RUNX2: variants seen among roughly 807,000 people sequenced by gnomAD.
RUNX2 encodes runt-related transcription factor 2.
RUNX2 carries 10 observed loss-of-function variants against 51.7 expected under a neutral mutation model. The ratio of observed to expected loss-of-function variants is 0.19; its 90% confidence interval spans 0.12 to 0.33. RUNX2 has a LOEUF of 0.33. RUNX2 is among the 10% of genes least tolerant of loss of function. The probability of loss-of-function intolerance (pLI) is 1.00; values close to 1 mark genes in which losing one functional copy is unlikely to be tolerated. For synonymous variants in RUNX2, 276 were observed against 273.6 expected, an observed-to-expected ratio of 1.01 and a Z score of -0.09; for missense variants, 562 against 691.3, an observed-to-expected ratio of 0.81 and a Z score of 2.10.
At chr6:45,416,434 T>C (rs867659716) in intron 2 of RUNX2, among the ~76,000 whole-genome samples, 12 of 152,316 alleles carry the variant, frequency 7.9e-5, no homozygotes, top group Middle Eastern at 3.4e-3. Context: ...TAGAATAGGA[T>C]AGCACCTTCC....
chr6:45,542,582 A>G (rs1168604525), intron 7 of RUNX2, among the ~76,000 whole-genome samples: 5 of 152,238 alleles, frequency 3.3e-5, no homozygotes, highest in Non-Finnish European at 5.9e-5. Context: ...ATTGCCCATT[A>G]TTTAGCAGAT....
At chr6:45,371,097 A>C (rs1187000600) in intron 2 of RUNX2, among the ~76,000 whole-genome samples, 1 of 152,304 alleles carries the variant, frequency 6.6e-6, no homozygotes, top group Non-Finnish European at 1.5e-5. Flanking sequence ...AGATATGTGG[A>C]AGATTTTGGC....
At chr6:45,405,309 C>T (rs1386313661) in intron 2 of RUNX2, among the ~76,000 whole-genome samples, 1 of 152,176 alleles carries the variant, frequency 6.6e-6, no homozygotes, top group East Asian at 1.9e-4. Flanking sequence ...ACCATCACTA[C>T]CATAAGGGCA....
rs74830872 is a variant in RUNX2, at chr6:45,367,064, A to G, written c.58+38280A>G. Among the ~76,000 whole-genome samples, 500 of 152,322 alleles carry G rather than the reference A, an allele frequency of 3.3e-3. 5 individuals carry two copies. The highest frequency in any genetic ancestry group is 0.012 in the African/African-American group (479 of 41,584). On this transcript the variant is annotated intron_variant, in intron 2 of 8. Transcript: ENST00000647337. ...GGCCCCACGAAAGAAGGTTGGGGAAAAAAAGCTACTACAAATCACTGATGG... is the reference window on the plus strand; with the variant it reads ...GGCCCCACGAAAGAAGGTTGGGGAAGAAAAGCTACTACAAATCACTGATGG...
chr6:45,549,672 CAT>C lies in RUNX2; in HGVS notation c.*2369_*2370del. ...ACACATTTCAATTTTAATTAATTGACATAAAAATGCTACCGCCAGTGCCAGCT... is the reference window on the plus strand; with the variant it reads ...ACACATTTCAATTTTAATTAATTGACAAAAATGCTACCGCCAGTGCCAGCT... On this transcript the variant is annotated 3_prime_UTR_variant, in exon 9 of 9. Coordinates refer to ENST00000647337, the MANE Select transcript of RUNX2 (RefSeq NM_001024630.4). 1 of 295,382 alleles carries C rather than the reference CAT, an allele frequency of 3.4e-6. No individual in the cohort carries two copies. Among genetic ancestry groups the C allele is most frequent in the East Asian group, 5.6e-5 (1 of 17,862 alleles). 18.3% of individuals were successfully genotyped at this position (295,382 alleles called of 1,614,324 possible). A position where few individuals can be genotyped will look rare whatever the true frequency, so the allele number is the denominator to read the frequency against.
chr6:45,368,460 G>T (rs941318047), intron 2 of RUNX2, among the ~76,000 whole-genome samples: 12 of 152,130 alleles, frequency 7.9e-5, no homozygotes, highest in African/African-American at 2.9e-4. Context: ...TAATTGTAGT[G>T]AAGTTAATCA....
At chr6:45,398,680 T>C (rs974203020) in intron 2 of RUNX2, among the ~76,000 whole-genome samples, 4 of 152,182 alleles carry the variant, frequency 2.6e-5, no homozygotes, top group African/African-American at 9.7e-5. Context: ...TCAAAAGAGC[T>C]CCTTTAACCT....
At chr6:45,518,380 T>C (rs6916727) in intron 7 of RUNX2, among the ~76,000 whole-genome samples, 1,880 of 150,616 alleles carry the variant, frequency 0.012, 56 homozygotes, top group African/African-American at 0.043. Flanking sequence ...AAATTCATCT[T>C]GCTTTCCCTA....
intron 7 of RUNX2, among the ~76,000 whole-genome samples, chr6:45,536,987 C>T (rs1419854937): frequency 1.3e-5 from 2 of 152,134 alleles, no homozygotes; most frequent in African/African-American, 2.4e-5. Flanking sequence ...CCAATCTTTT[C>T]GGTTTCCTTC....
intron 2 of RUNX2, among the ~76,000 whole-genome samples, chr6:45,390,376 AC>A (rs1797445939): frequency 6.6e-6 from 1 of 152,190 alleles, no homozygotes; most frequent in Non-Finnish European, 1.5e-5. Context: ...CCTTGGCAGT[AC>A]CCCAACCTGG....
intron 5 of RUNX2, among the ~76,000 whole-genome samples, chr6:45,463,626 T>C (rs1446322604): frequency 6.6e-6 from 1 of 152,182 alleles, no homozygotes; most frequent in Non-Finnish European, 1.5e-5. Flanking sequence ...TTTGTTTAAA[T>C]GCTTTTTTTA....
chr6:45,435,009 G>T (rs976598474), intron 4 of RUNX2, among the ~76,000 whole-genome samples: 3 of 152,072 alleles, frequency 2.0e-5, no homozygotes, highest in Non-Finnish European at 4.4e-5. Flanking sequence ...TTCTGAAGGG[G>T]CAATAAGAAG....
At chr6:45,434,393 T>G (rs1219371887) in intron 4 of RUNX2, among the ~76,000 whole-genome samples, 1 of 152,232 alleles carries the variant, frequency 6.6e-6, no homozygotes, top group Non-Finnish European at 1.5e-5. Flanking sequence ...CTTTAAATAT[T>G]TCTATTTTCA....
chr6:45,349,816 C>T (rs1483181630), intron 2 of RUNX2, among the ~76,000 whole-genome samples: 2 of 152,206 alleles, frequency 1.3e-5, no homozygotes, highest in East Asian at 3.8e-4. Flanking sequence ...ACAATTCCAT[C>T]CACTGCATAA....
intron 6 of RUNX2, among the ~76,000 whole-genome samples, chr6:45,506,620 A>T (rs942644644): frequency 6.6e-6 from 1 of 152,192 alleles, no homozygotes; most frequent in African/African-American, 2.4e-5. Context: ...TATAGTTTTT[A>T]AAAAAACATA....
At position 45,548,759 on chromosome 6, in the gene RUNX2, A is replaced by T. The variant is rs981281461; in HGVS notation, c.*1454A>T. On this transcript the variant is annotated 3_prime_UTR_variant, in exon 9 of 9. Coordinates refer to ENST00000647337, the MANE Select transcript of RUNX2 (RefSeq NM_001024630.4). ...AGGGTTCAATTATGAGACACCTAGT[A>T]CAGGAGAGCAAAATTGCACCAGAGA... 2 of 174,790 alleles carry T rather than the reference A, an allele frequency of 1.1e-5. No individual in the cohort carries two copies. Among genetic ancestry groups the T allele is most frequent in the African/African-American group, 4.7e-5 (2 of 42,484 alleles). The allele number at this position is 174,790 out of a possible 1,614,324, so 10.8% of individuals were successfully genotyped here. A position where few individuals can be genotyped will look rare whatever the true frequency, so the allele number is the denominator to read the frequency against.
At chr6:45,351,355 C>T (rs1019518534) in intron 2 of RUNX2, among the ~76,000 whole-genome samples, 1 of 152,106 alleles carries the variant, frequency 6.6e-6, no homozygotes, top group Non-Finnish European at 1.5e-5. Context: ...ACCAGGCATA[C>T]TTACGTACCA....
intron 6 of RUNX2, among the ~76,000 whole-genome samples, chr6:45,499,620 G>T (rs1800742078): frequency 6.6e-6 from 1 of 152,180 alleles, no homozygotes; most frequent in South Asian, 2.1e-4. Flanking sequence ...TCTGACTTTA[G>T]TACGCTTTCA....
chr6:45,503,388 G>A (rs190975707), intron 6 of RUNX2, among the ~76,000 whole-genome samples: 64 of 152,268 alleles, frequency 4.2e-4, no homozygotes, highest in South Asian at 1.2e-3. Flanking sequence ...TTACTAGAAC[G>A]ATGGATATAA....
Sources: gnomAD v4.1 joint callset for allele counts (sites outside exome capture counted in the v4.1 genomes callset) on GRCh38, gnomAD v4.1.1 for gene constraint, MANE v1.5 for transcripts, NCBI Gene and HGNC (gene_info 2026-07-23, HGNC 2026-07-21) for gene names.